Variants in LY96 observed in about 807,000 individuals in gnomAD.
The protein encoded by LY96 is myeloid differentiation protein-2.
A neutral mutation model predicts 18.9 loss-of-function variants in LY96; 18 were observed. The observed-to-expected ratio is 0.95, with a 90% CI of 0.66 to 1.41. LY96 has a LOEUF of 1.41. Ranked by LOEUF, LY96 falls within the 40% of genes most tolerant of loss-of-function variation. LY96 has a pLI of 0.00. For synonymous variants in LY96, 66 were observed against 62.6 expected (o/e 1.06, Z -0.26); for missense variants, 175 against 182.4 (o/e 0.96, Z 0.23).
At chr8:74,045,004 T>C in the LY96 span, among the ~76,000 whole-genome samples, 1 of 152,272 alleles carries the variant, frequency 6.6e-6, no homozygotes, top group Admixed American at 6.5e-5. Context: ...AAAATTCCTG[T>C]CAGCCATTGC....
At chr8:74,072,785 A>G in the LY96 span, among the ~76,000 whole-genome samples, 1 of 152,188 alleles carries the variant, frequency 6.6e-6, no homozygotes, top group Non-Finnish European at 1.5e-5. Context: ...AGGTCCTGGA[A>G]AAAGCTGGGA....
intron 1 of LY96, among the ~76,000 whole-genome samples, chr8:74,001,483 C>A (rs533397841): frequency 3.3e-5 from 5 of 152,070 alleles, no homozygotes; most frequent in Non-Finnish European, 7.4e-5. Flanking sequence ...TCCACCTTGG[C>A]CTCCCCAAAG....
chr8:74,081,059 T>A, the LY96 span, among the ~76,000 whole-genome samples: 209 of 124,718 alleles, frequency 1.7e-3, 2 homozygotes, highest in Middle Eastern at 7.7e-3. Context: ...TTTCTTTCTT[T>A]CTTTCTTACT....
At chr8:74,065,058 C>T in the LY96 span, among the ~76,000 whole-genome samples, 1 of 152,182 alleles carries the variant, frequency 6.6e-6, no homozygotes, top group Admixed American at 6.5e-5. Flanking sequence ...GAATTTCCAA[C>T]TGTGATGCCC....
chr8:73,995,005 G>A (rs1344677524), intron 1 of LY96, among the ~76,000 whole-genome samples: 1 of 152,168 alleles, frequency 6.6e-6, no homozygotes, highest in Non-Finnish European at 1.5e-5. Context: ...CCATTGTGAT[G>A]ATATTAAGAG....
chr8:74,084,409 CTT>C, the LY96 span, among the ~76,000 whole-genome samples: 1 of 152,128 alleles, frequency 6.6e-6, no homozygotes, highest in Non-Finnish European at 1.5e-5. Context: ...AGAAACTTCT[CTT>C]ATAAGCATTT....
the LY96 span, chr8:74,079,424 C>A: frequency 6.6e-6 from 1 of 152,184 alleles, no homozygotes; most frequent in Non-Finnish European, 1.5e-5. Flanking sequence ...TCAGGTAATG[C>A]CCTTTGTAAT....
the LY96 span, among the ~76,000 whole-genome samples, chr8:74,088,880 C>T: frequency 1.3e-5 from 2 of 152,220 alleles, no homozygotes; most frequent in African/African-American, 4.8e-5. Context: ...ACCACTGTGC[C>T]TGACCTCTCC....
chr8:74,020,352 C>T (rs986548107), intron 3 of LY96, among the ~76,000 whole-genome samples: 10 of 152,106 alleles, frequency 6.6e-5, no homozygotes, highest in Non-Finnish European at 8.8e-5. Flanking sequence ...TCTAGGAATC[C>T]AACTTACAAG....
the LY96 span, among the ~76,000 whole-genome samples, chr8:74,077,074 T>C: frequency 6.6e-6 from 1 of 152,198 alleles, no homozygotes; most frequent in Non-Finnish European, 1.5e-5. Context: ...GACACACCTC[T>C]AGAAAATCTA....
In LY96 at chr8:74,012,883, TA is replaced by T. The variant is rs1816557932; in HGVS notation, c.331+2755del. Among the ~76,000 whole-genome samples, 3 of 152,018 alleles carry T rather than the reference TA, an allele frequency of 2.0e-5. No homozygotes were observed. In the South Asian group the frequency reaches 6.2e-4, roughly 32 times the overall value. On this transcript the variant is annotated intron_variant, in intron 3 of 4. Transcript: ENST00000284818. ...GTATGTAAATAACATATAGTTCTAT[TA>T]GCAATAGAACTATATGTTATTGGTT...
the LY96 span, among the ~76,000 whole-genome samples, chr8:74,062,890 A>G: frequency 6.6e-6 from 1 of 152,222 alleles, no homozygotes; most frequent in South Asian, 2.1e-4. Context: ...TCATTATGCT[A>G]TTAATGTACA....
At chr8:74,008,251 A>T (rs1379364092) in intron 2 of LY96, among the ~76,000 whole-genome samples, 1 of 152,234 alleles carries the variant, frequency 6.6e-6, no homozygotes, top group African/African-American at 2.4e-5. Context: ...GTTATTGAAG[A>T]CTGGAATCTT....
chr8:73,999,774 C>T (rs1029659275), intron 1 of LY96, among the ~76,000 whole-genome samples: 3 of 152,202 alleles, frequency 2.0e-5, no homozygotes. Context: ...CCACCTCTGC[C>T]TCCCAAGGTG....
In LY96 at chr8:74,022,665, G is replaced by T. The variant is rs1398072039; in HGVS notation, c.332-4124G>T. Among the ~76,000 whole-genome samples, 3 of 147,892 alleles carry T rather than the reference G, an allele frequency of 2.0e-5. No individual in the cohort carries two copies. In the Admixed American group the frequency reaches 2.1e-4, roughly 10 times the overall value. On this transcript the variant is annotated intron_variant, in intron 3 of 4. Transcript: ENST00000284818. ...GCAGTCTCAGCTCACTGCAACCTCTGCCTCCCAGGTTCAAAAGATTCTCCT... is the reference window on the plus strand; with the variant it reads ...GCAGTCTCAGCTCACTGCAACCTCTTCCTCCCAGGTTCAAAAGATTCTCCT...
chr8:74,008,831 G>A (rs531739013), intron 2 of LY96, among the ~76,000 whole-genome samples: 3 of 152,280 alleles, frequency 2.0e-5, no homozygotes, highest in African/African-American at 7.2e-5. Flanking sequence ...GGAGAACTGA[G>A]GATAGATCCT....
the LY96 span, among the ~76,000 whole-genome samples, chr8:74,094,998 A>G: frequency 6.6e-6 from 1 of 152,214 alleles, no homozygotes; most frequent in Non-Finnish European, 1.5e-5. Flanking sequence ...TTGAATGCAG[A>G]AATCTGGCCT....
the LY96 span, among the ~76,000 whole-genome samples, chr8:74,086,526 G>T: frequency 2.0e-5 from 3 of 152,134 alleles, no homozygotes; most frequent in Non-Finnish European, 4.4e-5. Flanking sequence ...TAAAAGTCAG[G>T]GGTTCCTGCC....
chr8:74,042,930 C>T, the LY96 span, among the ~76,000 whole-genome samples: 1 of 152,112 alleles, frequency 6.6e-6, no homozygotes, highest in South Asian at 2.1e-4. Flanking sequence ...GCATGTGCCA[C>T]CACACCCTGC....
Sources: gnomAD v4.1 joint callset for allele counts (sites outside exome capture counted in the v4.1 genomes callset) on GRCh38, gnomAD v4.1.1 for gene constraint, MANE v1.5 for transcripts, NCBI Gene and HGNC (gene_info 2026-07-23, HGNC 2026-07-21) for gene names.